The following CCDC88C variants were observed in gnomAD, a reference collection of about 807,000 sequenced individuals.
CCDC88C encodes the protein coiled-coil and HOOK domain protein 88C, also known as protein Daple.
A neutral mutation model predicts 198.8 loss-of-function variants in CCDC88C; 131 were observed. That is an observed-to-expected ratio of 0.66 (90% confidence interval 0.57 to 0.76). The LOEUF is 0.76. Among genes scored for constraint, CCDC88C ranks in the 30% least tolerant of loss-of-function variants. The pLI, the probability that CCDC88C is intolerant of heterozygous loss-of-function variation, is 0.00. For synonymous variants in CCDC88C, 1,166 were observed against 1,114.7 expected (o/e 1.05, Z -0.92); for missense variants, 2,553 against 2,631.6 (o/e 0.97, Z 0.65).
At chr14:91,312,140 G>A (rs544802001) in intron 15 of CCDC88C, among the ~76,000 whole-genome samples, 79 of 152,312 alleles carry the variant, frequency 5.2e-4, no homozygotes, top group Middle Eastern at 3.4e-3. Context: ...TGTAATCCCA[G>A]CACTTTGGGA....
intron 3 of CCDC88C, among the ~76,000 whole-genome samples, chr14:91,366,306 C>T (rs1894537605): frequency 6.6e-6 from 1 of 151,910 alleles, no homozygotes; most frequent in African/African-American, 2.4e-5. Flanking sequence ...GCCAACATGG[C>T]AAAGCCCCAT....
intron 13 of CCDC88C, among the ~76,000 whole-genome samples, chr14:91,317,288 C>G (rs895119570): frequency 2.0e-5 from 3 of 152,216 alleles, no homozygotes; most frequent in Non-Finnish European, 4.4e-5. Context: ...GCAGCCTGGG[C>G]TACATTCGGG....
intron 22 of CCDC88C, 72 bp downstream of exon 22, chr14:91,297,233 T>C (rs759060282): frequency 1.8e-5 from 27 of 1,480,214 alleles, no homozygotes; most frequent in Non-Finnish European, 2.4e-5. Context: ...CCTCACAGCT[T>C]GGCTGAGCCC....
intron 3 of CCDC88C, among the ~76,000 whole-genome samples, chr14:91,372,504 A>C (rs57440591): frequency 0.18 from 17,731 of 99,750 alleles, 1,458 homozygotes; most frequent in African/African-American, 0.29. Context: ...GGAGCAGGTG[A>C]CATCCAGGTA....
intron 3 of CCDC88C, among the ~76,000 whole-genome samples, chr14:91,403,844 C>T (rs1036741875): frequency 3.9e-5 from 6 of 152,204 alleles, no homozygotes; most frequent in African/African-American, 9.6e-5. Context: ...GTAGGAGGAT[C>T]GCCTGAGCCC....
chr14:91,312,553 T>C lies in CCDC88C; in HGVS notation c.2736+527A>G, dbSNP rs190411501. On this transcript the variant is annotated intron_variant, in intron 15 of 29. Coordinates refer to ENST00000389857, the MANE Select transcript of CCDC88C (RefSeq NM_001080414.4). ...CAAAAAGATTAGCCAGGTGTGGTAG[T>C]GTGCATCTGTAGGCCCAGCTATGTG... Among the ~76,000 whole-genome samples, 372 of 152,216 alleles carry C rather than the reference T, an allele frequency of 2.4e-3. 2 individuals are homozygous for C. Among genetic ancestry groups the C allele is most frequent in the African/African-American group, 8.6e-3 (359 of 41,508 alleles).
At chr14:91,385,769 G>A (rs1885094049) in intron 3 of CCDC88C, among the ~76,000 whole-genome samples, 1 of 151,832 alleles carries the variant, frequency 6.6e-6, no homozygotes, top group South Asian at 2.1e-4. Flanking sequence ...TTCCAGACCA[G>A]CCTGGGCAAC....
intron 3 of CCDC88C, among the ~76,000 whole-genome samples, chr14:91,385,057 C>T (rs141465128): frequency 0.011 from 1,617 of 152,298 alleles, 12 homozygotes; most frequent in Non-Finnish European, 0.016. Context: ...CATGGTGAGA[C>T]CGGCACTACC....
intron 4 of CCDC88C, among the ~76,000 whole-genome samples, chr14:91,355,750 TAAG>T (rs1377064720): frequency 1.3e-5 from 1 of 75,076 alleles, no homozygotes; most frequent in South Asian, 3.9e-4. Flanking sequence ...TGTGGGGGGT[TAAG>T]TGAGACATAC....
chr14:91,303,636 C>T (rs1011347823), intron 20 of CCDC88C, 65 bp downstream of exon 20: 1 of 1,468,854 alleles, frequency 6.8e-7, no homozygotes, highest in Non-Finnish European at 9.1e-7. Context: ...CACCTTTCCC[C>T]CTGGGCCCAG....
intron 22 of CCDC88C, 101 bp from the exon 23 acceptor site, chr14:91,294,419 T>C: frequency 1.5e-6 from 2 of 1,361,426 alleles, no homozygotes; most frequent in East Asian, 2.5e-5. Flanking sequence ...ACAAAGATGT[T>C]CAACGCAGCA....
intron 10 of CCDC88C, among the ~76,000 whole-genome samples, chr14:91,337,233 A>G (rs1198680835): frequency 2.6e-5 from 4 of 152,222 alleles, no homozygotes; most frequent in African/African-American, 9.7e-5. Flanking sequence ...CAGAACCTTG[A>G]TAAGATTTAA....
chr14:91,414,954 C>G (rs1011916676), intron 2 of CCDC88C, among the ~76,000 whole-genome samples: 3 of 152,212 alleles, frequency 2.0e-5, no homozygotes, highest in African/African-American at 7.2e-5. Flanking sequence ...GTCCAACAGG[C>G]TTTCCTGATT....
At chr14:91,382,851 C>T (rs1271080904) in intron 3 of CCDC88C, among the ~76,000 whole-genome samples, 6 of 152,302 alleles carry the variant, frequency 3.9e-5, no homozygotes, top group Non-Finnish European at 7.3e-5. Flanking sequence ...TCTCAGGGCC[C>T]AGGTGTCATC....
chr14:91,367,528 G>A (rs1056052395), intron 3 of CCDC88C, among the ~76,000 whole-genome samples: 2 of 152,142 alleles, frequency 1.3e-5, no homozygotes, highest in Non-Finnish European at 2.9e-5. Flanking sequence ...CTGCTCTGGG[G>A]TTCAGATATT....
Position 91,299,932 on chromosome 14 carries a change from C to T in CCDC88C, c.3774G>A (p.Leu1258=). Residue 1258 remains leucine (L), a synonymous_variant, in exon 21 of 30, where the codon CTG becomes CTA. Transcript: ENST00000389857. The part of the protein sequence containing the change: ...MGENQRLRGE[L]DRVNFLHHQL... ...GGCCGGGCGCCGGCGCTCACCTGTC[C>T]AGCTCGCCCCGCAGCCTCTGGTTCT... The T allele has an allele frequency of 6.3e-7, 1 of 1,586,324 alleles. No individual in the cohort carries two copies. The highest frequency in any genetic ancestry group is 2.3e-5 in the East Asian group (1 of 44,302).
At chr14:91,409,863 G>C (rs1361542495) in intron 2 of CCDC88C, among the ~76,000 whole-genome samples, 1 of 152,148 alleles carries the variant, frequency 6.6e-6, no homozygotes, top group Non-Finnish European at 1.5e-5. Context: ...TCTGTCATGC[G>C]AATTGGTCTT....
At chr14:91,334,368 C>T (rs1045184595) in intron 10 of CCDC88C, among the ~76,000 whole-genome samples, 2 of 152,212 alleles carry the variant, frequency 1.3e-5, no homozygotes, top group African/African-American at 4.8e-5. Context: ...CTTCAGACTC[C>T]CGAGAGTTGG....
chr14:91,299,267 C>G (rs1375254606), intron 21 of CCDC88C, among the ~76,000 whole-genome samples: 1 of 152,192 alleles, frequency 6.6e-6, no homozygotes, highest in Non-Finnish European at 1.5e-5. Context: ...CACATCACAG[C>G]CACCTTCTGC....
Sources: gnomAD v4.1 joint callset for allele counts (sites outside exome capture counted in the v4.1 genomes callset) on GRCh38, gnomAD v4.1.1 for gene constraint, MANE v1.5 for transcripts, NCBI Gene and HGNC (gene_info 2026-07-23, HGNC 2026-07-21) for gene names.